CRPPA: variants seen among roughly 807,000 people sequenced by gnomAD.
CRPPA encodes CDP-L-ribitol pyrophosphorylase A.
A neutral mutation model predicts 52.0 loss-of-function variants in CRPPA; 43 were observed. The ratio of observed to expected loss-of-function variants is 0.83; its 90% CI spans 0.65 to 1.07. The LOEUF is 1.07. CRPPA is among the 50% of genes least tolerant of loss of function. The probability of loss-of-function intolerance (pLI) is 0.00; values close to 1 mark genes in which losing one functional copy is unlikely to be tolerated. For synonymous variants in CRPPA, 250 were observed against 203.5 expected (o/e 1.23, Z -1.94); for missense variants, 629 against 551.7 (o/e 1.14, Z -1.40).
intron 4 of CRPPA, among the ~76,000 whole-genome samples, chr7:16,303,709 G>T (rs1204143837): frequency 6.6e-6 from 1 of 152,010 alleles, no homozygotes; most frequent in Non-Finnish European, 1.5e-5. Context: ...TATATAAAAT[G>T]CTGGATAACT....
chr7:16,223,784 C>A (rs1782580811), intron 8 of CRPPA, among the ~76,000 whole-genome samples: 1 of 152,092 alleles, frequency 6.6e-6, no homozygotes, highest in Non-Finnish European at 1.5e-5. Flanking sequence ...ATAAAATAAA[C>A]TTACAGCCTG....
intron 3 of CRPPA, among the ~76,000 whole-genome samples, chr7:16,372,083 G>C (rs1270771715): frequency 6.6e-6 from 1 of 152,150 alleles, no homozygotes. Flanking sequence ...TAATTGGTGT[G>C]CCTGAGGGAG....
chr7:16,177,819 A>T (rs10225386), intron 9 of CRPPA, among the ~76,000 whole-genome samples: 1 of 152,072 alleles, frequency 6.6e-6, no homozygotes, highest in African/African-American at 2.4e-5. Flanking sequence ...TTATAAAACC[A>T]ACTATCTTCT....
chr7:16,365,368 A>C (rs1269856472), intron 3 of CRPPA, among the ~76,000 whole-genome samples: 1 of 152,222 alleles, frequency 6.6e-6, no homozygotes, highest in Admixed American at 6.5e-5. Flanking sequence ...TGTGTTTGTG[A>C]AATAATGGCC....
At chr7:16,105,423 G>A (rs1782131554) in intron 9 of CRPPA, among the ~76,000 whole-genome samples, 1 of 152,198 alleles carries the variant, frequency 6.6e-6, no homozygotes, top group Non-Finnish European at 1.5e-5. Flanking sequence ...TGGCAGGGGT[G>A]TGAAATAGAG....
intron 9 of CRPPA, among the ~76,000 whole-genome samples, chr7:16,158,584 T>C (rs1286928184): frequency 2.6e-5 from 4 of 152,224 alleles, no homozygotes; most frequent in South Asian, 2.1e-4. Context: ...AAAGATGCTA[T>C]ATGAACTTCA....
chr7:16,387,152 A>C (rs909456035), intron 2 of CRPPA, among the ~76,000 whole-genome samples: 1 of 148,116 alleles, frequency 6.8e-6, no homozygotes, highest in African/African-American at 2.5e-5. Flanking sequence ...TATAGATAGC[A>C]AAATATAAAC....
intron 9 of CRPPA, among the ~76,000 whole-genome samples, chr7:16,153,212 T>C (rs564456490): frequency 7.9e-5 from 12 of 152,208 alleles, no homozygotes; most frequent in African/African-American, 2.9e-4. Context: ...CAATTTCTTT[T>C]CACAATTTAT....
chr7:16,119,081 T>C (rs1182871489), intron 9 of CRPPA, among the ~76,000 whole-genome samples: 6 of 152,276 alleles, frequency 3.9e-5, no homozygotes, highest in South Asian at 2.1e-4. Context: ...GCCAGCTCCA[T>C]GCTCATTCCT....
chr7:16,303,452 G>T (rs1370400281), intron 4 of CRPPA, among the ~76,000 whole-genome samples: 2 of 82,176 alleles, frequency 2.4e-5, no homozygotes, highest in East Asian at 9.5e-4. Context: ...TGTTGTTCTT[G>T]TTTCTGTGTT....
chr7:16,095,286 T>G (rs1362521406), intron 9 of CRPPA, among the ~76,000 whole-genome samples: 1 of 152,214 alleles, frequency 6.6e-6, no homozygotes, highest in African/African-American at 2.4e-5. Context: ...AACTATGCAG[T>G]TGGGAAGTCA....
intron 3 of CRPPA, among the ~76,000 whole-genome samples, chr7:16,340,752 T>G (rs920506849): frequency 6.6e-6 from 1 of 152,120 alleles, no homozygotes; most frequent in Admixed American, 6.5e-5. Context: ...ATCTTACTCC[T>G]TAATGTTTAC....
chr7:16,241,946 C>CTTTTTTTTTTTT (rs71549979), intron 8 of CRPPA, among the ~76,000 whole-genome samples: 17 of 55,394 alleles, frequency 3.1e-4, no homozygotes, highest in Non-Finnish European at 4.7e-4. Flanking sequence ...AAAATCTATT[C>CTTTTTTTTTTTT]TTTTTTTTTT....
At chr7:16,413,845 C>G (rs925123288) in intron 1 of CRPPA, among the ~76,000 whole-genome samples, 7 of 152,034 alleles carry the variant, frequency 4.6e-5, no homozygotes, top group African/African-American at 1.7e-4. Flanking sequence ...GATTTAGTTT[C>G]CATAATATAA....
At position 16,201,306 on chromosome 7, in the gene CRPPA, C is replaced by G. The variant is rs185467333; in HGVS notation, c.1251+14760G>C. Among the ~76,000 whole-genome samples the G allele has an allele frequency of 1.2e-4, 18 of 152,248 alleles. No homozygotes were observed. In the East Asian group the frequency reaches 3.5e-3, roughly 29 times the overall value. On this transcript the variant is annotated intron_variant, in intron 9 of 9. Coordinates refer to ENST00000407010, the MANE Select transcript of CRPPA (RefSeq NM_001101426.4). ...CCTTCAAGCCAAGGACAGTCTAAAGCCTGGAAAACCAAGCTACCAGTTACA... is the reference window on the plus strand; with the variant it reads ...CCTTCAAGCCAAGGACAGTCTAAAGGCTGGAAAACCAAGCTACCAGTTACA...
At chr7:16,382,447 GGT>G (rs1325745198) in intron 2 of CRPPA, among the ~76,000 whole-genome samples, 1 of 152,078 alleles carries the variant, frequency 6.6e-6, no homozygotes, top group Non-Finnish European at 1.5e-5. Flanking sequence ...TTTCAACTTT[GGT>G]GAATCTGACA....
intron 5 of CRPPA, among the ~76,000 whole-genome samples, chr7:16,286,097 A>AAAAAAATATATATATATATAT: frequency 1.8e-4 from 7 of 39,116 alleles, no homozygotes; most frequent in East Asian, 1.2e-3. Flanking sequence ...TAAAAAAAAA[A>AAAAAAATATATATATATATAT]ATATATATAT....
At chr7:16,387,076 T>TATAC (rs1787303763) in intron 2 of CRPPA, among the ~76,000 whole-genome samples, 4 of 65,692 alleles carry the variant, frequency 6.1e-5, no homozygotes, top group African/African-American at 3.5e-4. Flanking sequence ...TATATATATA[T>TATAC]ATATATATAT....
intron 8 of CRPPA, among the ~76,000 whole-genome samples, chr7:16,226,276 T>C (rs1350937138): frequency 6.6e-6 from 1 of 151,920 alleles, no homozygotes; most frequent in African/African-American, 2.4e-5. Flanking sequence ...TATGAAGAAC[T>C]GTGCTAAGAA....
Sources: allele counts gnomAD v4.1 joint callset (sites outside exome capture counted in the v4.1 genomes callset), GRCh38; gene constraint gnomAD v4.1.1; transcripts MANE v1.5; gene names NCBI Gene and HGNC (gene_info 2026-07-23, HGNC 2026-07-21).